SNTG1: variants seen among roughly 807,000 people sequenced by gnomAD.
SNTG1 encodes the protein gamma-1-syntrophin.
In SNTG1, 39 loss-of-function variants were observed where a neutral mutation model predicts 74.7. The ratio of observed to expected loss-of-function variants is 0.52; its 90% CI spans 0.40 to 0.68. The LOEUF (loss-of-function observed/expected upper bound fraction) is 0.68, where lower values mean the gene tolerates loss of function less well. Among genes scored for constraint, SNTG1 ranks in the 30% least tolerant of loss-of-function variants. SNTG1 has a pLI of 0.00. For synonymous variants in SNTG1, 254 were observed against 217.1 expected, an observed-to-expected ratio of 1.17 and a Z score of -1.49; for missense variants, 685 against 609.5, an observed-to-expected ratio of 1.12 and a Z score of -1.30.
At chr8:50,018,044 C>T (rs1274250959) in intron 1 of SNTG1, among the ~76,000 whole-genome samples, 1 of 151,776 alleles carries the variant, frequency 6.6e-6, no homozygotes, top group Non-Finnish European at 1.5e-5. Context: ...GACAGAAAAT[C>T]CATGTCCATC....
At chr8:49,932,706 AC>A (rs1807708587) in intron 1 of SNTG1, among the ~76,000 whole-genome samples, 1 of 152,132 alleles carries the variant, frequency 6.6e-6, no homozygotes, top group Non-Finnish European at 1.5e-5. Flanking sequence ...AACCATCACC[AC>A]TATTTAATTT....
chr8:50,260,596 C>T (rs138257301), intron 2 of SNTG1, among the ~76,000 whole-genome samples: 1 of 151,424 alleles, frequency 6.6e-6, no homozygotes, highest in Non-Finnish European at 1.5e-5. Context: ...AAAAAATAAG[C>T]ATAAGAACCA....
chr8:50,773,937 G>T lies in SNTG1; in HGVS notation c.1396-18734G>T, dbSNP rs1036078221. On this transcript the variant is annotated intron_variant, in intron 18 of 18. Coordinates refer to ENST00000642720, the MANE Select transcript of SNTG1 (RefSeq NM_018967.5). ...TGAAAAGAATCAAATAAAATTTTCA[G>T]TTGAAAAGTACAATTACTGAAATTT... Among the ~76,000 whole-genome samples, 14 of 152,038 alleles carry T rather than the reference G, an allele frequency of 9.2e-5. 1 individual carries two copies. The highest frequency in any genetic ancestry group is 2.9e-4 in the African/African-American group (12 of 41,422).
chr8:49,979,901 A>G (rs1812523756), intron 1 of SNTG1, among the ~76,000 whole-genome samples: 1 of 151,998 alleles, frequency 6.6e-6, no homozygotes, highest in South Asian at 2.1e-4. Context: ...TTCTGTGAGG[A>G]AAATTCTATC....
chr8:50,055,748 G>A (rs925968051), intron 1 of SNTG1, among the ~76,000 whole-genome samples: 13 of 152,058 alleles, frequency 8.5e-5, no homozygotes, highest in Admixed American at 2.0e-4. Context: ...CTCGAAGTTG[G>A]TCCTAACTCA....
At chr8:50,250,828 T>G (rs1563799175) in intron 2 of SNTG1, among the ~76,000 whole-genome samples, 1 of 152,038 alleles carries the variant, frequency 6.6e-6, no homozygotes, top group Admixed American at 6.5e-5. Context: ...ACAATTAAAA[T>G]GACCTTATTA....
chr8:50,622,760 G>T (rs2094931361), intron 13 of SNTG1, among the ~76,000 whole-genome samples: 1 of 151,934 alleles, frequency 6.6e-6, no homozygotes, highest in Non-Finnish European at 1.5e-5. Context: ...TAACATTGTT[G>T]CTTTCTTGTA....
intron 4 of SNTG1, among the ~76,000 whole-genome samples, chr8:50,413,508 G>A (rs2092976088): frequency 6.6e-6 from 1 of 152,146 alleles, no homozygotes; most frequent in Admixed American, 6.5e-5. Flanking sequence ...CAGAATCCAT[G>A]CCCATCCACG....
chr8:50,497,102 T>C (rs1330259194), intron 8 of SNTG1, among the ~76,000 whole-genome samples: 4 of 152,052 alleles, frequency 2.6e-5, no homozygotes, highest in African/African-American at 7.2e-5. Context: ...TAAGTGACCT[T>C]ATATTTTAAA....
At chr8:49,946,180 G>A (rs1191630536) in intron 1 of SNTG1, among the ~76,000 whole-genome samples, 1 of 152,074 alleles carries the variant, frequency 6.6e-6, no homozygotes, top group African/African-American at 2.4e-5. Context: ...TTTTCCAGCT[G>A]TACCGTTTTT....
At chr8:50,575,195 C>A (rs2094570294) in intron 12 of SNTG1, among the ~76,000 whole-genome samples, 1 of 152,126 alleles carries the variant, frequency 6.6e-6, no homozygotes, top group South Asian at 2.1e-4. Context: ...TATAGTGGAG[C>A]TACTAATCAT....
intron 1 of SNTG1, among the ~76,000 whole-genome samples, chr8:50,139,838 T>A (rs1369880995): frequency 6.6e-6 from 1 of 152,150 alleles, no homozygotes; most frequent in Non-Finnish European, 1.5e-5. Flanking sequence ...TCACTGGAAT[T>A]TAAAGGAGAT....
intron 2 of SNTG1, among the ~76,000 whole-genome samples, chr8:50,181,011 G>A (rs2083187894): frequency 1.3e-5 from 2 of 152,046 alleles, no homozygotes; most frequent in Admixed American, 1.3e-4. Flanking sequence ...TGATCTGCCT[G>A]TTTCAGCCTC....
At chr8:50,344,346 A>G (rs2091409748) in intron 2 of SNTG1, among the ~76,000 whole-genome samples, 1 of 152,216 alleles carries the variant, frequency 6.6e-6, no homozygotes, top group African/African-American at 2.4e-5. Context: ...AGCAAGGCTC[A>G]TAGAAGATAG....
intron 3 of SNTG1, among the ~76,000 whole-genome samples, chr8:50,399,013 C>G (rs1156776023): frequency 6.6e-6 from 1 of 152,182 alleles, no homozygotes; most frequent in African/African-American, 2.4e-5. Flanking sequence ...ATGTCTGATT[C>G]TCTGTTAATG....
At chr8:50,251,993 T>C (rs1454958832) in intron 2 of SNTG1, among the ~76,000 whole-genome samples, 1 of 152,002 alleles carries the variant, frequency 6.6e-6, no homozygotes, top group African/African-American at 2.4e-5. Flanking sequence ...TTTAAGAAGA[T>C]GGAGATAATA....
chr8:49,961,932 GCT>G (rs1371275513), intron 1 of SNTG1, among the ~76,000 whole-genome samples: 1 of 152,174 alleles, frequency 6.6e-6, no homozygotes, highest in Non-Finnish European at 1.5e-5. Context: ...TTTTCTACTG[GCT>G]TTACAAAAGG....
At chr8:50,731,915 T>A (rs1371410879) in intron 17 of SNTG1, among the ~76,000 whole-genome samples, 1 of 152,054 alleles carries the variant, frequency 6.6e-6, no homozygotes, top group Non-Finnish European at 1.5e-5. Flanking sequence ...TTTCTTTGAG[T>A]TTTACAAGTT....
At chr8:50,473,814 C>A (rs1387284092) in intron 8 of SNTG1, among the ~76,000 whole-genome samples, 2 of 152,024 alleles carry the variant, frequency 1.3e-5, no homozygotes, top group African/African-American at 2.4e-5. Flanking sequence ...AAGCCAGTCA[C>A]AAAACAATAC....
Sources: gnomAD v4.1 joint callset for allele counts (sites outside exome capture counted in the v4.1 genomes callset) on GRCh38, gnomAD v4.1.1 for gene constraint, MANE v1.5 for transcripts, NCBI Gene and HGNC (gene_info 2026-07-23, HGNC 2026-07-21) for gene names.